Variants in CATSPERG observed in about 807,000 individuals in gnomAD.
The protein encoded by CATSPERG is catsper channel auxiliary subunit gamma.
CATSPERG carries 115 observed loss-of-function variants against 145.0 expected under a neutral mutation model. The observed-to-expected ratio is 0.79, with a 90% CI of 0.68 to 0.93. The LOEUF (loss-of-function observed/expected upper bound fraction) is 0.93, where lower values mean the gene tolerates loss of function less well. Among genes scored for constraint, CATSPERG ranks in the 40% least tolerant of loss-of-function variants. The pLI, the probability that CATSPERG is intolerant of heterozygous loss-of-function variation, is 0.00. For missense variants in CATSPERG, 1,296 were observed against 1,490.1 expected (o/e 0.87, Z 2.14); for synonymous variants, 588 against 589.0 (o/e 1.00, Z 0.02).
Position 38,370,029 on chromosome 19 carries a change from C to G in CATSPERG, c.3078C>G (p.Ala1026=). The change falls in exon 27 of 29, where the codon GCC becomes GCG. Residue 1026 remains alanine (A), a synonymous_variant. Transcript: ENST00000409235. ...ACAATGTTCCCCAAGGCATCTTTGC[C>G]CCTGAATTCTTCTTCAAGGTGTTGG... is the stretch of plus-strand genomic sequence containing the variant. ...CYDNVPQGIF[A]PEFFFKVLVS... 6.2e-7 allele frequency: 1 copy of G among 1,614,176 alleles called. No individual in the cohort carries two copies. Among genetic ancestry groups the G allele is most frequent in the South Asian group, 1.1e-5 (1 of 91,086 alleles).
intron 3 of CATSPERG, 86 bp from the exon 4 acceptor site, chr19:38,343,494 G>A (rs1005697402): frequency 4.8e-6 from 6 of 1,247,144 alleles, no homozygotes; most frequent in South Asian, 1.5e-5. Context: ...GACAGCCCAG[G>A]AGACAGACTG....
intron 22 of CATSPERG, 163 bp from the exon 23 acceptor site, chr19:38,366,993 C>T (rs74258642): frequency 0.075 from 47,706 of 639,848 alleles, 3,155 homozygotes; most frequent in East Asian, 0.3. Flanking sequence ...TGCACCAGGC[C>T]GTGTTAATGA....
intron 6 of CATSPERG, among the ~76,000 whole-genome samples, chr19:38,346,230 T>C (rs1431568840): frequency 6.6e-6 from 1 of 152,076 alleles, no homozygotes; most frequent in Non-Finnish European, 1.5e-5. Context: ...ACAGAGGCCC[T>C]GAGGTGGGCA....
chr19:38,369,817 G>A (rs1970515011), intron 26 of CATSPERG, among the ~76,000 whole-genome samples, 155 bp from the exon 27 acceptor site: 2 of 152,222 alleles, frequency 1.3e-5, no homozygotes, highest in African/African-American at 4.8e-5. Flanking sequence ...CGTTCAGTCA[G>A]CATGAATGAA....
rs770002451 is a variant in CATSPERG, at chr19:38,354,748, A to C, written c.1036A>C (p.Lys346Gln). ...IRVLASECIKKLCPVYFHSNG... is the reference protein window; with the variant it reads ...IRVLASECIKQLCPVYFHSNG... ...TGTCCTGGCCAGCGAGTGCATCAAG[A>C]AGCTGTGCCCTGTGTATTTCCATAG... is the stretch of plus-strand genomic sequence containing the variant. The change falls in exon 9 of 29, where the codon AAG becomes CAG. Residue 346 changes from lysine to glutamine, a missense_variant. Coordinates refer to ENST00000409235, the MANE Select transcript of CATSPERG (RefSeq NM_021185.5). 3 of 1,614,230 alleles carry C rather than the reference A, an allele frequency of 1.9e-6. No individual in the cohort carries two copies. Among genetic ancestry groups the C allele is most frequent in the Non-Finnish European group, 1.7e-6 (2 of 1,180,034 alleles).
At position 38,368,118 on chromosome 19, in the gene CATSPERG, C is replaced by CA. The variant is rs1196787149; in HGVS notation, c.3002dup (p.His1001GlnfsTer18). 2 of 1,614,062 alleles carry CA rather than the reference C, an allele frequency of 1.2e-6. No homozygotes were observed. The highest frequency in any genetic ancestry group is 2.7e-5 in the African/African-American group (2 of 74,936). ...AGACTCAGCCTTTCACATCATGTCC[C>CA]ACGAGAGCCCAGGCATCGAGTGAGT... On this transcript the variant is annotated frameshift_variant, in exon 26 of 29. Coordinates refer to ENST00000409235, the MANE Select transcript of CATSPERG (RefSeq NM_021185.5). LOFTEE classifies it high-confidence loss of function.
At chr19:38,347,167 C>T (rs1970054099) in intron 7 of CATSPERG, among the ~76,000 whole-genome samples, 4 of 152,132 alleles carry the variant, frequency 2.6e-5, no homozygotes, top group Admixed American at 2.0e-4. Flanking sequence ...GCTATGATCA[C>T]ACCACTGCAC....
intron 1 of CATSPERG, chr19:38,336,144 T>C: frequency 2.2e-6 from 1 of 446,678 alleles, no homozygotes; most frequent in Non-Finnish European, 4.5e-6. Flanking sequence ...GTTAATGGCA[T>C]GGGAAGGAAG....
At chr19:38,362,871 GTTTTTTTTTTTTT>G (rs553363428) in intron 20 of CATSPERG, 39 bp downstream of exon 20, 32 of 453,744 alleles carry the variant, frequency 7.1e-5, no homozygotes, top group Non-Finnish European at 1.1e-4. Flanking sequence ...GGGAGGTTTT[GTTTTTTTTTTTTT>G]TTTTTTTTTT....
At chr19:38,338,188 G>T (rs1488594110) in intron 3 of CATSPERG, among the ~76,000 whole-genome samples, 3 of 151,784 alleles carry the variant, frequency 2.0e-5, no homozygotes. Context: ...GTCTCGCTCC[G>T]CCCAGGCTGG....
At position 38,341,962 on chromosome 19, in the gene CATSPERG, G is replaced by A. The variant is rs182351999; in HGVS notation, c.325-1618G>A. ...CGTGGTAGTGGTACCTGTAGTCCCA[G>A]CTATTTGGGAGGCTGAGGTAAGAGG... On this transcript the variant is annotated intron_variant, in intron 3 of 28. Transcript: ENST00000409235. 6.6e-4 allele frequency among the ~76,000 whole-genome samples: 100 copies of A among 151,930 alleles called. 1 individual carries two copies. Among genetic ancestry groups the A allele is most frequent in the Admixed American group, 5.9e-3 (90 of 15,204 alleles).
At chr19:38,363,779 G>A (rs1319126433) in intron 20 of CATSPERG, among the ~76,000 whole-genome samples, 1 of 152,080 alleles carries the variant, frequency 6.6e-6, no homozygotes, top group Non-Finnish European at 1.5e-5. Context: ...ACAGGGTTGG[G>A]GGTAAGGTCA....
chr19:38,370,744 G>A lies in CATSPERG; in HGVS notation c.3432G>A (p.Glu1144=). 2 of 1,614,126 alleles carry A rather than the reference G, an allele frequency of 1.2e-6. No homozygotes were observed. The highest frequency in any genetic ancestry group is 1.7e-6 in the Non-Finnish European group (2 of 1,180,026). Residue 1144 remains glutamate, a synonymous_variant, in exon 29 of 29, where the codon GAG becomes GAA. Coordinates refer to ENST00000409235, the MANE Select transcript of CATSPERG (RefSeq NM_021185.5). ...CCATGTTCAGCTCCAGGATGACAGA[G>A]GACAGGGCTGAACCCAAGGAAGCCG... ...MGSMFSSRMT[E]DRAEPKEAVE... is the part of the protein sequence containing the mutation.
At chr19:38,355,884 G>C (rs943516491) in intron 9 of CATSPERG, among the ~76,000 whole-genome samples, 4 of 152,142 alleles carry the variant, frequency 2.6e-5, no homozygotes, top group South Asian at 2.1e-4. Flanking sequence ...TCTGGAGAGA[G>C]ACTGCTCCAT....
chr19:38,351,871 C>A (rs1014859299), intron 7 of CATSPERG, among the ~76,000 whole-genome samples: 3 of 152,112 alleles, frequency 2.0e-5, no homozygotes, highest in Non-Finnish European at 4.4e-5. Context: ...ATGATCATAC[C>A]ACTCCAGCCT....
intron 4 of CATSPERG, 125 bp from the exon 5 acceptor site, chr19:38,343,868 C>A: frequency 7.1e-7 from 1 of 1,404,124 alleles, no homozygotes; most frequent in Non-Finnish European, 9.6e-7. Flanking sequence ...CACACAGAGG[C>A]CCCAGTGGGA....
intron 8 of CATSPERG, among the ~76,000 whole-genome samples, chr19:38,353,431 G>C (rs559121420): frequency 6.6e-6 from 1 of 152,274 alleles, no homozygotes; most frequent in Non-Finnish European, 1.5e-5. Flanking sequence ...GCTCACACCT[G>C]TAATCCCAGC....
intron 11 of CATSPERG, among the ~76,000 whole-genome samples, chr19:38,357,680 G>A (rs1358238670): frequency 1.3e-5 from 2 of 151,418 alleles, no homozygotes; most frequent in Admixed American, 6.6e-5. Context: ...GGCCGGGCAC[G>A]GCGGCTCACG....
At chr19:38,368,719 G>C (rs1970497587) in intron 26 of CATSPERG, among the ~76,000 whole-genome samples, 1 of 152,210 alleles carries the variant, frequency 6.6e-6, no homozygotes, top group Non-Finnish European at 1.5e-5. Context: ...CTGGAGTGCA[G>C]TGGCACAATC....
Sources: allele counts gnomAD v4.1 joint callset (sites outside exome capture counted in the v4.1 genomes callset), GRCh38; gene constraint gnomAD v4.1.1; transcripts MANE v1.5; gene names NCBI Gene and HGNC (gene_info 2026-07-23, HGNC 2026-07-21).